LRRC57: variants seen among roughly 807,000 people sequenced by gnomAD.
LRRC57 encodes leucine rich repeat containing 57, also known as leucine-rich repeat-containing protein 57.
A neutral mutation model predicts 23.1 loss-of-function variants in LRRC57; 14 were observed. That is an observed-to-expected ratio of 0.61 (90% confidence interval 0.40 to 0.95). The LOEUF (loss-of-function observed/expected upper bound fraction) is 0.95. Ranked by LOEUF, LRRC57 falls within the 40% of genes least tolerant of loss-of-function variation. The pLI, the probability that LRRC57 is intolerant of heterozygous loss-of-function variation, is 0.00. For missense variants in LRRC57, 236 were observed against 284.4 expected (o/e 0.83, Z 1.22); for synonymous variants, 106 against 115.2 (o/e 0.92, Z 0.51).
At chr15:42,531,650 C>T in the LRRC57 span, 5 of 463,992 alleles carry the variant, frequency 1.1e-5, no homozygotes, top group Admixed American at 8.3e-5. Context: ...TGTTGAGGGC[C>T]GACTGCTGCT....
intron 4 of LRRC57, 72 bp downstream of exon 4, chr15:42,547,189 G>C: frequency 6.7e-7 from 1 of 1,491,570 alleles, no homozygotes. Flanking sequence ...TAGGAAACAA[G>C]AGGTTAACAG....
intron 1 of LRRC57, 84 bp from the exon 2 acceptor site, chr15:42,548,540 C>T: frequency 1.8e-6 from 2 of 1,112,420 alleles, no homozygotes; most frequent in Non-Finnish European, 2.6e-6. Context: ...TCTCAACTCC[C>T]GCCGATCCCT....
chr15:42,545,440 T>C, intron 4 of LRRC57, 178 bp from the exon 5 acceptor site: 1 of 391,238 alleles, frequency 2.6e-6, no homozygotes, highest in Non-Finnish European at 4.5e-6. Context: ...ATCTAGCTTC[T>C]GTTACTACGC....
chr15:42,547,960 TAGAA>T (rs1197733234), intron 3 of LRRC57, 142 bp downstream of exon 3: 14 of 714,166 alleles, frequency 2.0e-5, no homozygotes, highest in Non-Finnish European at 3.3e-5. Context: ...TTACAAGAAG[TAGAA>T]AGAAGGCTTC....
Position 42,544,095 on chromosome 15 carries a change from CT to C in LRRC57, c.707del (p.Lys236ArgfsTer17). On this transcript the variant is annotated frameshift_variant, in exon 6 of 6. Transcript: ENST00000397130. LOFTEE classifies it high-confidence loss of function. ...KYMERFTATK[K>X]KFA Reference sequence around the variant, plus strand: ...GTCCTGGAGAACTTCACGCAAACTTCTTCTTGGTGGCTGTGAACCTCTCCAT... The same window carrying C: ...GTCCTGGAGAACTTCACGCAAACTTCTCTTGGTGGCTGTGAACCTCTCCAT... The C allele has an allele frequency of 6.2e-7, 1 of 1,613,308 alleles. No homozygotes were observed. The highest frequency in any genetic ancestry group is 8.5e-7 in the Non-Finnish European group (1 of 1,179,500).
rs866319347 is a variant in LRRC57 at position 42,540,025 on chromosome 15, G to C, written c.*4058C>G. 1.1e-4 allele frequency: 16 copies of C among 152,012 alleles called. No homozygotes were observed. Among genetic ancestry groups the C allele is most frequent in the African/African-American group, 3.9e-4 (16 of 41,440 alleles). 9.4% of individuals were successfully genotyped at this position (152,012 alleles called of 1,614,324 possible). A position where few individuals can be genotyped will look rare whatever the true frequency, so the allele number is the denominator to read the frequency against. Reference sequence around the variant, plus strand: ...AGCCTGACCAACATGGTGAAACCCCGTCTCTACTAAAAATACAAAAATTAG... The same window carrying C: ...AGCCTGACCAACATGGTGAAACCCCCTCTCTACTAAAAATACAAAAATTAG... On this transcript the variant is annotated 3_prime_UTR_variant, in exon 6 of 6. Transcript: ENST00000397130.
intron 5 of LRRC57, 77 bp from the exon 6 acceptor site, chr15:42,544,201 A>G (rs1441324697): frequency 8.1e-7 from 1 of 1,228,122 alleles, no homozygotes; most frequent in African/African-American, 1.5e-5. Context: ...TTTTTTTTTC[A>G]TTTTGGTTTT....
At chr15:42,532,711 T>C in the LRRC57 span, 1 of 152,778 alleles carries the variant, frequency 6.5e-6, no homozygotes, top group Non-Finnish European at 1.5e-5. Flanking sequence ...TATGTTTAGT[T>C]AGGAAAAAGG....
chr15:42,530,995 C>A, the LRRC57 span, among the ~76,000 whole-genome samples: 1 of 152,108 alleles, frequency 6.6e-6, no homozygotes, highest in African/African-American at 2.4e-5. Context: ...TCAGTCTCTC[C>A]AGGTTAGACT....
At position 42,548,700 on chromosome 15, in the gene LRRC57, C is replaced by A; in HGVS notation, c.-30G>T. ...AGGGAGCCCCGGACTCGCCTCCCAC[C>A]GCTCAGCTGCCGTAAGGCTCCGCAG... is the stretch of plus-strand genomic sequence containing the variant. On this transcript the variant is annotated 5_prime_UTR_variant, in exon 1 of 6. Transcript: ENST00000397130. The A allele has an allele frequency of 1.6e-6, 1 of 627,682 alleles. No homozygotes were observed. The highest frequency in any genetic ancestry group is 2.0e-5 in the South Asian group (1 of 50,666). The allele number at this position is 627,682 out of a possible 1,614,324, so 38.9% of individuals were successfully genotyped here.
In LRRC57 at chr15:42,545,211, G is replaced by A. The variant is rs2057653395; in HGVS notation, c.544C>T (p.Arg182Cys). 4 of 1,606,864 alleles carry A rather than the reference G, an allele frequency of 2.5e-6. No individual in the cohort carries two copies. Among genetic ancestry groups the A allele is most frequent in the Non-Finnish European group, 2.5e-6 (3 of 1,177,278 alleles). ...ISCCPRLKILRLEENCLELSM... is the reference protein window; with the variant it reads ...ISCCPRLKILCLEENCLELSM... ...AGCTCAAGACAATTCTCTTCCAGGC[G>A]AAGAATTTTAAGGCGTGGACAGCAA... The change falls in exon 5 of 6, where the codon CGC becomes TGC. Residue 182 changes from arginine (R) to cysteine (C), a missense_variant. Transcript: ENST00000397130.
Position 42,544,838 on chromosome 15 carries a change from C to CTATATATATATATATATATATAT in LRRC57, c.678+238_678+239insATATATATATATATATATATATA, listed in dbSNP as rs1484623621. ...TCTCACACACACACACACACACACA[C>CTATATATATATATATATATATAT]ACACTATATATATATATATATCAAA... On this transcript the variant is annotated intron_variant, in intron 5 of 5. Transcript: ENST00000397130. Among the ~76,000 whole-genome samples the CTATATATATATATATATATATAT allele has an allele frequency of 1.9e-3, 202 of 109,068 alleles. 5 individuals carry two copies. Among genetic ancestry groups the CTATATATATATATATATATATAT allele is most frequent in the African/African-American group, 9.2e-3 (180 of 19,550 alleles). 71.6% of individuals were successfully genotyped at this position (109,068 alleles called of 152,430 possible).
rs888080320 is a variant in LRRC57 at position 42,540,431 on chromosome 15, A to C, written c.*3652T>G. On this transcript the variant is annotated 3_prime_UTR_variant, in exon 6 of 6. Coordinates refer to ENST00000397130, the MANE Select transcript of LRRC57 (RefSeq NM_153260.3). ...ATTATAAGTAATCTAGAGATAATTT[A>C]AAGTATCAGGAAGATACTATGTCAT... is the stretch of plus-strand genomic sequence containing the variant. 2 of 152,238 alleles carry C rather than the reference A, an allele frequency of 1.3e-5. No individual in the cohort carries two copies. The highest frequency in any genetic ancestry group is 4.8e-5 in the African/African-American group (2 of 41,462). The allele number at this position is 152,238 out of a possible 1,614,324, so 9.4% of individuals were successfully genotyped here. A position where few individuals can be genotyped will look rare whatever the true frequency, so the allele number is the denominator to read the frequency against.
chr15:42,534,218 C>T (rs1200056108), downstream of LRRC57, among the ~76,000 whole-genome samples: 1 of 152,194 alleles, frequency 6.6e-6, no homozygotes, highest in Non-Finnish European at 1.5e-5. Context: ...GCAACCTCCA[C>T]CTCTCGGGTT....
Position 42,548,765 on chromosome 15 carries a change from C to G in LRRC57, c.-95G>C, listed in dbSNP as rs566081936. 32 of 798,612 alleles carry G rather than the reference C, an allele frequency of 4.0e-5. No homozygotes were observed. The highest frequency in any genetic ancestry group is 5.9e-5 in the Non-Finnish European group (30 of 506,540). The allele number at this position is 798,612 out of a possible 1,614,324, so 49.5% of individuals were successfully genotyped here. On this transcript the variant is annotated 5_prime_UTR_variant, in exon 1 of 6. Transcript: ENST00000397130. The stretch of plus-strand genomic sequence containing the variant: ...CCCGCAGTAGCCGGGATGCGCTCCC[C>G]GGCTTAGTCCCGGGCGGGAACGCCC...
At position 42,543,114 on chromosome 15, in the gene LRRC57, C is replaced by T. The variant is rs1296595946; in HGVS notation, c.*969G>A. On this transcript the variant is annotated 3_prime_UTR_variant, in exon 6 of 6. Transcript: ENST00000397130. ...TCGAACTCCTAACCTCGTGATCTGC[C>T]TGCCTTGGCCTCCCAATGTGCTGGG... The T allele has an allele frequency of 6.6e-6, 1 of 152,050 alleles. No individual in the cohort carries two copies. The highest frequency in any genetic ancestry group is 6.6e-5 in the Admixed American group (1 of 15,240). 9.4% of individuals were successfully genotyped at this position (152,050 alleles called of 1,614,324 possible).
At position 42,542,440 on chromosome 15, in the gene LRRC57, A is replaced by C. The variant is rs2057635327; in HGVS notation, c.*1643T>G. ...CTCATACAATCTGAACATAAGCATG[A>C]AACATGTCTTCCTAATCTATTTATA... On this transcript the variant is annotated 3_prime_UTR_variant, in exon 6 of 6. Coordinates refer to ENST00000397130, the MANE Select transcript of LRRC57 (RefSeq NM_153260.3). 6.6e-6 allele frequency: 1 copy of C among 152,286 alleles called. No homozygotes were observed. The highest frequency in any genetic ancestry group is 2.1e-4 in the South Asian group (1 of 4,834). 9.4% of individuals were successfully genotyped at this position (152,286 alleles called of 1,614,324 possible).
rs2057673310 is a variant in LRRC57, at chr15:42,548,195, A to G, written c.134T>C (p.Leu45Ser). 1 of 1,614,226 alleles carries G rather than the reference A, an allele frequency of 6.2e-7. No individual in the cohort carries two copies. The highest frequency in any genetic ancestry group is 8.5e-7 in the Non-Finnish European group (1 of 1,180,046). Reference sequence around the variant, plus strand: ...TAGGCTTTCGATCTTGTTGTTGGACAAGTCGATGGTCCTGAGATTGCTCGT... The same window carrying G: ...TAGGCTTTCGATCTTGTTGTTGGACGAGTCGATGGTCCTGAGATTGCTCGT... ...KLTSNLRTID[L>S]SNNKIESLPP... Residue 45 changes from leucine (L) to serine (S), a missense_variant, in exon 3 of 6, where the codon TTG (leucine) becomes TCG (serine). Coordinates refer to ENST00000397130, the MANE Select transcript of LRRC57 (RefSeq NM_153260.3).
chr15:42,547,242 A>C lies in LRRC57; in HGVS notation c.492+19T>G. ...AGCCACACATATGCTGTAGGAAAAA[A>C]AACCTTAAAGCTCTAGACCTGATTC... On this transcript the variant is annotated intron_variant, in intron 4 of 5. Coordinates refer to ENST00000397130, the MANE Select transcript of LRRC57 (RefSeq NM_153260.3). The C allele has an allele frequency of 6.2e-7, 1 of 1,608,108 alleles. No homozygotes were observed. Among genetic ancestry groups the C allele is most frequent in the Non-Finnish European group, 8.5e-7 (1 of 1,176,526 alleles).
Sources: allele counts gnomAD v4.1 joint callset (sites outside exome capture counted in the v4.1 genomes callset), GRCh38; gene constraint gnomAD v4.1.1; transcripts MANE v1.5; gene names NCBI Gene and HGNC (gene_info 2026-07-23, HGNC 2026-07-21).